MORN1: variants seen among roughly 807,000 people sequenced by gnomAD.
The protein encoded by MORN1 is MORN repeat containing 1.
Under a neutral mutation model 61.9 loss-of-function variants are expected in MORN1, and 67 were observed. The observed-to-expected ratio is 1.08, with a 90% confidence interval of 0.89 to 1.33. The LOEUF (loss-of-function observed/expected upper bound fraction) is 1.33, where lower values mean the gene tolerates loss of function less well. Ranked by LOEUF, MORN1 falls within the 40% of genes most tolerant of loss-of-function variation. MORN1 has a pLI of 0.00. For synonymous variants in MORN1, 301 were observed against 292.0 expected, an observed-to-expected ratio of 1.03 and a Z score of -0.31; for missense variants, 752 against 691.2, an observed-to-expected ratio of 1.09 and a Z score of -0.99.
intron 12 of MORN1, among the ~76,000 whole-genome samples, chr1:2,333,861 G>A (rs561991330): frequency 1.3e-5 from 2 of 152,240 alleles, no homozygotes; most frequent in Non-Finnish European, 2.9e-5. Context: ...AGCCGACTGA[G>A]TGTTGGAGGC....
At position 2,337,930 on chromosome 1, in the gene MORN1, G is replaced by A. The variant is rs950817478; in HGVS notation, c.1037-1080C>T. 6.6e-6 allele frequency among the ~76,000 whole-genome samples: 1 copy of A among 152,192 alleles called. No homozygotes were observed. Among genetic ancestry groups the A allele is most frequent in the African/African-American group, 2.4e-5 (1 of 41,448 alleles). ...ACCCAGCTCCAGGATGGATAGAAGG[G>A]TGGAGCCAAGACAGTGCCCAGGAGG... On this transcript the variant is annotated intron_variant, in intron 10 of 13. Coordinates refer to ENST00000378531, the MANE Select transcript of MORN1 (RefSeq NM_024848.3). The surrounding 1 kb of genome is among the most constrained non-coding windows in gnomAD (Gnocchi z 5.7).
chr1:2,351,756 T>C, intron 10 of MORN1: 1 of 557,360 alleles, frequency 1.8e-6, no homozygotes, highest in South Asian at 1.5e-5. Flanking sequence ...CATATGCTTG[T>C]CAAAAGCCTT....
At position 2,342,867 on chromosome 1, in the gene MORN1, A is replaced by ATTTTATTTTATTTTATTTTATTTAT. The variant is rs370414567; in HGVS notation, c.1037-6018_1037-6017insATAAATAAAATAAAATAAAATAAAA. Among the ~76,000 whole-genome samples, 236 of 101,086 alleles carry ATTTTATTTTATTTTATTTTATTTAT rather than the reference A, an allele frequency of 2.3e-3. 1 individual carries two copies. Among genetic ancestry groups the ATTTTATTTTATTTTATTTTATTTAT allele is most frequent in the Non-Finnish European group, 3.0e-3 (141 of 46,328 alleles). 66.3% of individuals were successfully genotyped at this position (101,086 alleles called of 152,430 possible). A position where few individuals can be genotyped will look rare whatever the true frequency, so the allele number is the denominator to read the frequency against. ...ATTTTATTTTATTTTATTTTATTTT[A>ATTTTATTTTATTTTATTTTATTTAT]TTTATTTTATTTTATTTTATTTTAT... On this transcript the variant is annotated intron_variant, in intron 10 of 13. Coordinates refer to ENST00000378531, the MANE Select transcript of MORN1 (RefSeq NM_024848.3).
chr1:2,329,466 A>G (rs1172688085), intron 12 of MORN1, among the ~76,000 whole-genome samples: 1 of 151,936 alleles, frequency 6.6e-6, no homozygotes, highest in Non-Finnish European at 1.5e-5. Flanking sequence ...AGCCGATCCC[A>G]TTGTCCTGGG....
chr1:2,359,936 C>T (rs931183676), intron 8 of MORN1, among the ~76,000 whole-genome samples: 1 of 151,954 alleles, frequency 6.6e-6, no homozygotes, highest in Non-Finnish European at 1.5e-5. Flanking sequence ...AGTCCGGTGC[C>T]CCAGAGTGGA....
At position 2,357,259 on chromosome 1, in the gene MORN1, G is replaced by A. The variant is rs1400747386; in HGVS notation, c.1036+173C>T. The stretch of plus-strand genomic sequence containing the variant: ...CCTCCGCAGCCACCCGTGACTGCTT[G>A]TCTGGGGATGTGGGCTGCCCGGCCC... On this transcript the variant is annotated intron_variant, in intron 10 of 13. Transcript: ENST00000378531. The surrounding 1 kb of genome is among the most constrained non-coding windows in gnomAD (Gnocchi z 6.3). 2.0e-5 allele frequency among the ~76,000 whole-genome samples: 3 copies of A among 152,182 alleles called. No homozygotes were observed. The highest frequency in any genetic ancestry group is 6.5e-5 in the Admixed American group (1 of 15,284).
Position 2,383,912 on chromosome 1 carries a change from C to G in MORN1, c.537+1066G>C, listed in dbSNP as rs538120286. ...CCTTCCCACCAGCCAGGAGCTCAGG[C>G]CTGCAGCCCAGCCCAAGCAGCAACC... On this transcript the variant is annotated intron_variant, in intron 6 of 13. Transcript: ENST00000378531. Among the ~76,000 whole-genome samples the G allele has an allele frequency of 3.6e-3, 549 of 152,358 alleles. 2 individuals are homozygous for G. Among genetic ancestry groups the G allele is most frequent in the Non-Finnish European group, 6.1e-3 (416 of 68,030 alleles).
chr1:2,336,738 C>T lies in MORN1; in HGVS notation c.1149G>A (p.Leu383=), dbSNP rs765839474. The part of the protein sequence containing the change: ...GPPPPGYHPF[L]FLDSLHKKAG... ...CCACCTTGTGGAGGCTGTCCAGGAA[C>T]AGGAAGGGGTGGTACCCAGGCGGGG... Residue 383 remains leucine (L), a synonymous_variant, in exon 11 of 14, where the codon CTG becomes CTA. Transcript: ENST00000378531. 1.9e-6 allele frequency: 3 copies of T among 1,586,606 alleles called. No individual in the cohort carries two copies. Among genetic ancestry groups the T allele is most frequent in the Non-Finnish European group, 1.7e-6 (2 of 1,167,034 alleles).
In MORN1 at chr1:2,321,565, T is replaced by A. The variant is rs1640881736; in HGVS notation, c.1312A>T (p.Met438Leu). The A allele has an allele frequency of 6.6e-7, 1 of 1,514,272 alleles. No homozygotes were observed. Among genetic ancestry groups the A allele is most frequent in the African/African-American group, 1.4e-5 (1 of 71,964 alleles). 93.8% of individuals were successfully genotyped at this position (1,514,272 alleles called of 1,614,324 possible). ...AAAHLGEYVL[M>L]IRDVTTPPFL... ...GGCGGGGTGGTCACGTCGCGGATCA[T>A]GAGCACGTACTCCCCTGCAAGGGGC... is the stretch of plus-strand genomic sequence containing the variant. The change falls in exon 14 of 14, where the codon ATG (methionine) becomes TTG (leucine). Residue 438 changes from methionine (M) to leucine (L), a missense_variant. Transcript: ENST00000378531.
chr1:2,360,936 C>A (rs1280417759), intron 8 of MORN1, among the ~76,000 whole-genome samples: 11 of 152,182 alleles, frequency 7.2e-5, no homozygotes, highest in Non-Finnish European at 4.4e-5. Flanking sequence ...ACCTGTCTAA[C>A]AAATCATAAA....
chr1:2,368,869 C>T (rs1347977551), intron 8 of MORN1, among the ~76,000 whole-genome samples: 1 of 150,502 alleles, frequency 6.6e-6, no homozygotes, highest in Non-Finnish European at 1.5e-5. Flanking sequence ...CCATTCTGGC[C>T]AACATGGTGA....
chr1:2,323,967 C>T (rs1640940166), intron 13 of MORN1, 130 bp downstream of exon 13: 2 of 1,455,504 alleles, frequency 1.4e-6, no homozygotes, highest in Non-Finnish European at 1.8e-6. Context: ...CCCCAGTCCC[C>T]CACCCACTGC....
intron 4 of MORN1, chr1:2,387,170 G>A: frequency 1.8e-6 from 1 of 551,386 alleles, no homozygotes; most frequent in Non-Finnish European, 3.3e-6. Context: ...TAAGCCACGG[G>A]CGTCTGTTCC....
chr1:2,322,252 T>C (rs1360526993), intron 13 of MORN1: 3 of 985,276 alleles, frequency 3.0e-6, no homozygotes, highest in African/African-American at 3.5e-5. Flanking sequence ...GAGGTTGCCA[T>C]AGAAACCATC....
rs182272922 is a variant in MORN1, at chr1:2,325,052, C to T, written c.1251-909G>A. Among the ~76,000 whole-genome samples, 919 of 150,804 alleles carry T rather than the reference C, an allele frequency of 6.1e-3. 12 individuals are homozygous for T. Among genetic ancestry groups the T allele is most frequent in the African/African-American group, 0.021 (862 of 40,940 alleles). ...CTGTGTGGACACCCACCCTCCTCCC[C>T]GGGCAGTGAGATGCACTTCGGAAAT... On this transcript the variant is annotated intron_variant, in intron 12 of 13. Coordinates refer to ENST00000378531, the MANE Select transcript of MORN1 (RefSeq NM_024848.3).
intron 12 of MORN1, among the ~76,000 whole-genome samples, chr1:2,331,710 A>G (rs1472104999): frequency 1.3e-5 from 2 of 152,128 alleles, no homozygotes; most frequent in Non-Finnish European, 2.9e-5. Context: ...GTCAAAGACG[A>G]CTTTGCAGGA....
chr1:2,371,453 C>G (rs1052228965), intron 8 of MORN1: 1 of 152,156 alleles, frequency 6.6e-6, no homozygotes, highest in Non-Finnish European at 1.5e-5. Flanking sequence ...TAGGGAAATG[C>G]GAATCAAAAT....
chr1:2,350,017 C>T (rs905502726), intron 10 of MORN1, among the ~76,000 whole-genome samples: 2 of 152,186 alleles, frequency 1.3e-5, no homozygotes, highest in Non-Finnish European at 2.9e-5. Context: ...AATGTACACC[C>T]GCCATGGGCA....
At chr1:2,322,311 A>C (rs1439555915) in intron 13 of MORN1, 1 of 985,354 alleles carries the variant, frequency 1.0e-6, no homozygotes, top group Non-Finnish European at 1.2e-6. Flanking sequence ...GCGTGGAAAA[A>C]GCGCCTCGGC....
Sources: gnomAD v4.1 joint callset for allele counts (sites outside exome capture counted in the v4.1 genomes callset) on GRCh38, gnomAD v4.1.1 for gene constraint, Gnocchi (gnomAD v3.1) non-coding constraint, MANE v1.5 for transcripts, NCBI Gene and HGNC (gene_info 2026-07-23, HGNC 2026-07-21) for gene names.